The following ATG10 variants were observed in gnomAD, a reference collection of about 807,000 sequenced individuals.
The protein encoded by ATG10 is ubiquitin-like-conjugating enzyme ATG10.
A neutral mutation model predicts 32.1 loss-of-function variants in ATG10; 30 were observed. The ratio of observed to expected loss-of-function variants is 0.94; its 90% confidence interval spans 0.70 to 1.27. The LOEUF (loss-of-function observed/expected upper bound fraction) is 1.27. Ranked by LOEUF, ATG10 falls within the 50% of genes most tolerant of loss-of-function variation. ATG10 has a pLI of 0.00. For missense variants in ATG10, 233 were observed against 262.3 expected (o/e 0.89, Z 0.77); for synonymous variants, 87 against 91.5 (o/e 0.95, Z 0.28).
intron 2 of ATG10, among the ~76,000 whole-genome samples, chr5:82,040,814 T>C (rs1763061999): frequency 6.6e-6 from 1 of 152,214 alleles, no homozygotes; most frequent in Non-Finnish European, 1.5e-5. Context: ...GATAGAAATA[T>C]AAACCCCTTG....
chr5:81,981,087 T>TA (rs1452139132), intron 1 of ATG10, among the ~76,000 whole-genome samples: 1 of 152,218 alleles, frequency 6.6e-6, no homozygotes, highest in Non-Finnish European at 1.5e-5. Context: ...TTAGGACTGA[T>TA]ACGACTTCTC....
At chr5:82,009,578 A>T in intron 2 of ATG10, 1 of 1,558,676 alleles carries the variant, frequency 6.4e-7, no homozygotes, top group Non-Finnish European at 8.7e-7. Flanking sequence ...GGTGGTTAAG[A>T]TAAAACACAA....
chr5:82,250,715 G>A (rs919642699), intron 5 of ATG10, among the ~76,000 whole-genome samples: 2 of 152,128 alleles, frequency 1.3e-5, no homozygotes, highest in African/African-American at 4.8e-5. Context: ...TTTATTGGCT[G>A]TCTCCTGCAC....
intron 1 of ATG10, 58 bp from the exon 2 acceptor site, chr5:81,987,501 A>G: frequency 8.0e-7 from 1 of 1,245,340 alleles, no homozygotes; most frequent in Middle Eastern, 2.5e-4. Flanking sequence ...ATCAATTGGC[A>G]GAATTCCTTT....
rs551774819 is a variant in ATG10 at position 82,000,018 on chromosome 5, A to G, written c.108+12340A>G. ...GAGGAGAAGAGAACAACAAAAAAATAAAACTTCCAGGCCAATATCCTTGAT... is the reference window on the plus strand; with the variant it reads ...GAGGAGAAGAGAACAACAAAAAAATGAAACTTCCAGGCCAATATCCTTGAT... On this transcript the variant is annotated intron_variant, in intron 2 of 7. Coordinates refer to ENST00000282185, the MANE Select transcript of ATG10 (RefSeq NM_031482.5). Among the ~76,000 whole-genome samples, 86 of 152,240 alleles carry G rather than the reference A, an allele frequency of 5.6e-4. 1 individual carries two copies. In the South Asian group the frequency reaches 0.015, roughly 27 times the overall value.
At chr5:82,116,732 T>C (rs1447393692) in intron 3 of ATG10, among the ~76,000 whole-genome samples, 3 of 152,132 alleles carry the variant, frequency 2.0e-5, no homozygotes, top group Non-Finnish European at 4.4e-5. Context: ...TTCCAATGTC[T>C]TCAAGCCAAT....
intron 5 of ATG10, among the ~76,000 whole-genome samples, chr5:82,219,823 T>G (rs1351383115): frequency 6.6e-6 from 1 of 152,190 alleles, no homozygotes. Context: ...GGAGTAGAAG[T>G]GATTTATTTT....
At chr5:82,063,704 C>T (rs1763857505) in intron 3 of ATG10, among the ~76,000 whole-genome samples, 1 of 152,048 alleles carries the variant, frequency 6.6e-6, no homozygotes, top group Non-Finnish European at 1.5e-5. Flanking sequence ...GTTGGCCAGG[C>T]TGGTCTCGAA....
intron 5 of ATG10, among the ~76,000 whole-genome samples, chr5:82,244,823 A>C (rs1279186230): frequency 6.6e-6 from 1 of 152,192 alleles, no homozygotes; most frequent in African/African-American, 2.4e-5. Context: ...TGAGACATTT[A>C]ACCATTGCTA....
At chr5:82,178,636 C>A in intron 5 of ATG10, 49 bp downstream of exon 5, 1 of 1,237,576 alleles carries the variant, frequency 8.1e-7, no homozygotes, top group Non-Finnish European at 1.2e-6. Context: ...GTATTCTTTC[C>A]CGCTGCTCAT....
intron 3 of ATG10, among the ~76,000 whole-genome samples, chr5:82,139,563 GC>G (rs1766956137): frequency 6.8e-6 from 1 of 146,252 alleles, no homozygotes; most frequent in Non-Finnish European, 1.5e-5. Flanking sequence ...GAGCGTCTCT[GC>G]CCGGCCGCCC....
chr5:82,058,506 T>A lies in ATG10; in HGVS notation c.120T>A (p.Asp40Glu), dbSNP rs747855524. The A allele has an allele frequency of 1.9e-6, 3 of 1,612,436 alleles. No homozygotes were observed. The highest frequency in any genetic ancestry group is 2.5e-6 in the Non-Finnish European group (3 of 1,178,806). ...WEWRPSKDCS[D>E]GYMCKIHFQI... ...GTGATGAAACACAGGACTGTTCTGA[T>A]GGCTACATGTGCAAAATACACTTTC... The change falls in exon 3 of 8, where the codon GAT becomes GAA. Residue 40 changes from aspartate to glutamate, a missense_variant. Coordinates refer to ENST00000282185, the MANE Select transcript of ATG10 (RefSeq NM_031482.5).
At chr5:82,248,447 G>C (rs994724413) in intron 5 of ATG10, among the ~76,000 whole-genome samples, 8 of 152,190 alleles carry the variant, frequency 5.3e-5, no homozygotes, top group African/African-American at 1.2e-4. Flanking sequence ...GGAGTGTCTG[G>C]GGACATTGGG....
intron 3 of ATG10, among the ~76,000 whole-genome samples, chr5:82,061,058 G>C (rs950802444): frequency 6.6e-6 from 1 of 152,072 alleles, no homozygotes; most frequent in East Asian, 1.9e-4. Context: ...ATTTTTGCTT[G>C]GTCCAGTGAT....
At chr5:81,979,391 G>A (rs1455712914) in intron 1 of ATG10, among the ~76,000 whole-genome samples, 2 of 152,098 alleles carry the variant, frequency 1.3e-5, no homozygotes, top group Non-Finnish European at 2.9e-5. Flanking sequence ...AGCTGGGCGT[G>A]GTGGCGGGCC....
At chr5:82,236,100 C>CTT (rs1185922774) in intron 5 of ATG10, among the ~76,000 whole-genome samples, 1 of 152,142 alleles carries the variant, frequency 6.6e-6, no homozygotes, top group African/African-American at 2.4e-5. Flanking sequence ...GCAACAAGTG[C>CTT]TATTAGGACT....
chr5:82,175,999 A>C (rs776227594), intron 4 of ATG10, among the ~76,000 whole-genome samples: 1 of 152,182 alleles, frequency 6.6e-6, no homozygotes, highest in Non-Finnish European at 1.5e-5. Flanking sequence ...CCTGGCATAT[A>C]GTAGGTGCCC....
At chr5:82,048,325 C>T (rs1209855304) in intron 2 of ATG10, among the ~76,000 whole-genome samples, 12 of 144,590 alleles carry the variant, frequency 8.3e-5, no homozygotes, top group East Asian at 5.9e-4. Flanking sequence ...GCCATTTTCA[C>T]GATATTGATT....
intron 5 of ATG10, among the ~76,000 whole-genome samples, chr5:82,224,359 A>G (rs1318068001): frequency 6.6e-6 from 1 of 152,226 alleles, no homozygotes; most frequent in African/African-American, 2.4e-5. Context: ...CACATGCAAC[A>G]TGGGCAAAAG....
Sources: gnomAD v4.1 joint callset for allele counts (sites outside exome capture counted in the v4.1 genomes callset) on GRCh38, gnomAD v4.1.1 for gene constraint, MANE v1.5 for transcripts, NCBI Gene and HGNC (gene_info 2026-07-23, HGNC 2026-07-21) for gene names.